The following PRRG4 variants were observed in gnomAD, a reference collection of about 807,000 sequenced individuals.
PRRG4 encodes the protein proline rich and Gla domain 4.
Under a neutral mutation model 20.0 loss-of-function variants are expected in PRRG4, and 12 were observed. That is an observed-to-expected ratio of 0.60 (90% confidence interval 0.38 to 0.97). PRRG4 has a LOEUF of 0.97. Ranked by LOEUF, PRRG4 falls within the 50% of genes least tolerant of loss-of-function variation. The pLI is 0.00. For synonymous variants in PRRG4, 94 were observed against 96.4 expected (o/e 0.98, Z 0.15); for missense variants, 199 against 265.1 (o/e 0.75, Z 1.73).
intron 5 of PRRG4, among the ~76,000 whole-genome samples, chr11:32,845,273 T>C (rs1851117454): frequency 6.6e-6 from 1 of 152,102 alleles, no homozygotes; most frequent in Admixed American, 6.6e-5. Flanking sequence ...ATGGAGTGAT[T>C]ACCATTTGAG....
At position 32,840,062 on chromosome 11, in the gene PRRG4, C is replaced by T; in HGVS notation, c.317-45C>T. 2 of 1,388,600 alleles carry T rather than the reference C, an allele frequency of 1.4e-6. No individual in the cohort carries two copies. Among genetic ancestry groups the T allele is most frequent in the Non-Finnish European group, 1.0e-6 (1 of 981,096 alleles). 86.0% of individuals were successfully genotyped at this position (1,388,600 alleles called of 1,614,324 possible). A position where few individuals can be genotyped will look rare whatever the true frequency, so the allele number is the denominator to read the frequency against. On this transcript the variant is annotated intron_variant, in intron 4 of 5. Coordinates refer to ENST00000257836, the MANE Select transcript of PRRG4 (RefSeq NM_024081.6). The surrounding 1 kb of genome is among the most constrained non-coding windows in gnomAD (Gnocchi z 4.1). ...AAATTTGTTGAAATCATAGGTGATG[C>T]TATATAGTTGTTATATTTATGTTAT...
chr11:32,857,963 A>G lies in PRRG4; in HGVS notation c.*4436A>G, dbSNP rs1851242090. Reference sequence around the variant, plus strand: ...GTTTCTCTAACACCTCAACAGTTTAAGGTAATTTAGTACACATATATCAGT... The same window carrying G: ...GTTTCTCTAACACCTCAACAGTTTAGGGTAATTTAGTACACATATATCAGT... On this transcript the variant is annotated 3_prime_UTR_variant, in exon 6 of 6. Coordinates refer to ENST00000257836, the MANE Select transcript of PRRG4 (RefSeq NM_024081.6). 2 of 152,134 alleles carry G rather than the reference A, an allele frequency of 1.3e-5. No individual in the cohort carries two copies. 9.4% of individuals were successfully genotyped at this position (152,134 alleles called of 1,614,324 possible).
rs757807250 is a variant in PRRG4 at position 32,853,446 on chromosome 11, T to G, written c.600T>G (p.Ser200Arg). 4.3e-6 allele frequency: 7 copies of G among 1,614,160 alleles called. No individual in the cohort carries two copies. In the South Asian group the frequency reaches 7.7e-5, roughly 18 times the overall value. ...EQAVALTRKH[S>R]VSPPPPYPGH... ...CAGTGGCGCTGACCAGAAAACACAG[T>G]GTTTCACCACCACCACCATATCCTG... The change falls in exon 6 of 6, where the codon AGT becomes AGG. Residue 200 changes from serine to arginine, a missense_variant. Physicochemically the swap from Ser to Arg is moderately radical, Grantham distance 110 (BLOSUM62 -1). Coordinates refer to ENST00000257836, the MANE Select transcript of PRRG4 (RefSeq NM_024081.6).
In PRRG4 at chr11:32,840,007, A is replaced by G; in HGVS notation, c.317-100A>G. The G allele has an allele frequency of 1.3e-6, 1 of 783,524 alleles. No homozygotes were observed. Among genetic ancestry groups the G allele is most frequent in the South Asian group, 2.4e-5 (1 of 41,122 alleles). The allele number at this position is 783,524 out of a possible 1,614,324, so 48.5% of individuals were successfully genotyped here. A position where few individuals can be genotyped will look rare whatever the true frequency, so the allele number is the denominator to read the frequency against. On this transcript the variant is annotated intron_variant, in intron 4 of 5. Transcript: ENST00000257836. This position sits in a 1 kb window ranked among gnomAD's most constrained non-coding sequence, Gnocchi z 4.1. ...GAAAGAAGTCAACATCAATGATTAG[A>G]TGCTGTATAATGTGTTTAGAACCAG...
At chr11:32,844,801 C>T (rs962151038) in intron 5 of PRRG4, among the ~76,000 whole-genome samples, 4 of 151,918 alleles carry the variant, frequency 2.6e-5, no homozygotes, top group African/African-American at 9.7e-5. Flanking sequence ...GCACCCGGCC[C>T]AGCTATTATT....
intron 5 of PRRG4, among the ~76,000 whole-genome samples, chr11:32,852,772 C>CTT (rs531547410): frequency 1.6e-4 from 20 of 126,668 alleles, no homozygotes; most frequent in South Asian, 5.1e-4. Flanking sequence ...TCAGATTTCT[C>CTT]TTTTTTTTTT....
rs1851214189 is a variant in PRRG4, at chr11:32,854,613, T to C, written c.*1086T>C. 6.6e-6 allele frequency: 1 copy of C among 152,024 alleles called. No homozygotes were observed. Among genetic ancestry groups the C allele is most frequent in the South Asian group, 2.1e-4 (1 of 4,822 alleles). The allele number at this position is 152,024 out of a possible 1,614,324, so 9.4% of individuals were successfully genotyped here. ...AAAAGATATTGGACCTACTCTTTCT[T>C]AGGATTTTTTTGGCGGGGGGTTAGA... is the stretch of plus-strand genomic sequence containing the variant. On this transcript the variant is annotated 3_prime_UTR_variant, in exon 6 of 6. Transcript: ENST00000257836.
rs1565119489 is a variant in PRRG4 at position 32,855,132 on chromosome 11, AAT to A, written c.*1608_*1609del. ...TTACCAGAAACCTTTTGCATCTCTT[AAT>A]ATGTCTGAACACAAAAGGAAAACAC... On this transcript the variant is annotated 3_prime_UTR_variant, in exon 6 of 6. Coordinates refer to ENST00000257836, the MANE Select transcript of PRRG4 (RefSeq NM_024081.6). 2 of 152,228 alleles carry A rather than the reference AAT, an allele frequency of 1.3e-5. No individual in the cohort carries two copies. The highest frequency in any genetic ancestry group is 2.9e-5 in the Non-Finnish European group (2 of 68,022). The allele number at this position is 152,228 out of a possible 1,614,324, so 9.4% of individuals were successfully genotyped here.
At chr11:32,851,081 A>T (rs538369451) in intron 5 of PRRG4, among the ~76,000 whole-genome samples, 1 of 152,188 alleles carries the variant, frequency 6.6e-6, no homozygotes, top group South Asian at 2.1e-4. Context: ...CGCAAAAATA[A>T]TAATAATAAT....
intron 5 of PRRG4, among the ~76,000 whole-genome samples, chr11:32,848,468 T>C (rs1851150367): frequency 6.6e-6 from 1 of 152,102 alleles, no homozygotes; most frequent in Non-Finnish European, 1.5e-5. Context: ...GAAAGGGTTA[T>C]GGAAATAGAT....
intron 5 of PRRG4, among the ~76,000 whole-genome samples, chr11:32,850,516 C>G (rs940435219): frequency 6.6e-6 from 1 of 152,184 alleles, no homozygotes; most frequent in African/African-American, 2.4e-5. Flanking sequence ...TCCATTGTCT[C>G]ACTTTGTTCC....
chr11:32,836,817 A>C lies in PRRG4; in HGVS notation c.263A>C (p.Lys88Thr). Residue 88 changes from lysine to threonine, a missense_variant, in exon 3 of 6, where the codon AAA (lysine) becomes ACA (threonine). By Grantham distance (78) the Lys-to-Thr change is moderately conservative. Coordinates refer to ENST00000257836, the MANE Select transcript of PRRG4 (RefSeq NM_024081.6). ...AGAGAGATTTTTGTGGATGAAGATA[A>C]AACGGTAATGTGGTTGATTATGTTA... is the stretch of plus-strand genomic sequence containing the variant. ...EAREIFVDED[K>T]TIAFWQEYSA... The C allele has an allele frequency of 1.7e-5, 27 of 1,610,442 alleles. No homozygotes were observed. The highest frequency in any genetic ancestry group is 2.2e-5 in the Non-Finnish European group (26 of 1,178,386).
rs1370297390 is a variant in PRRG4 at position 32,853,320 on chromosome 11, G to C, written c.474G>C (p.Gly158=). The change falls in exon 6 of 6, where the codon GGG becomes GGC. Residue 158 remains glycine, a synonymous_variant. Transcript: ENST00000257836. Reference sequence around the variant, plus strand: ...GCTCTTCAGCCGTCTATGAAAGGGGGAGGCACACTCCCTCCATCATTTTCA... The same window carrying C: ...GCTCTTCAGCCGTCTATGAAAGGGGCAGGCACACTCCCTCCATCATTTTCA... The part of the protein sequence containing the change: ...HPCSSAVYER[G]RHTPSIIFRR... The C allele has an allele frequency of 3.7e-6, 6 of 1,613,898 alleles. No individual in the cohort carries two copies. Among genetic ancestry groups the C allele is most frequent in the Non-Finnish European group, 5.1e-6 (6 of 1,179,966 alleles).
chr11:32,830,392 CGGGCGCTCT>C, intron 1 of PRRG4, 107 bp from the exon 2 acceptor site: 1 of 958,240 alleles, frequency 1.0e-6, no homozygotes, highest in Non-Finnish European at 1.4e-6. Flanking sequence ...AACCGCGCGC[CGGGCGCTCT>C]TGCGCCTAGG....
At chr11:32,851,934 T>C (rs1180168122) in intron 5 of PRRG4, among the ~76,000 whole-genome samples, 1 of 152,314 alleles carries the variant, frequency 6.6e-6, no homozygotes, top group Middle Eastern at 3.4e-3. Context: ...AATGTATGTA[T>C]AGATACTTTA....
Position 32,857,176 on chromosome 11 carries a change from G to T in PRRG4, c.*3649G>T. On this transcript the variant is annotated 3_prime_UTR_variant, in exon 6 of 6. Transcript: ENST00000257836. ...TCTTTTTTTTTTTTTTTTCCAGAAG[G>T]AGTCTCACTTTGTCACCCAGGCTGG... 7.0e-6 allele frequency: 1 copy of T among 142,042 alleles called. No individual in the cohort carries two copies. Among genetic ancestry groups the T allele is most frequent in the Non-Finnish European group, 1.5e-5 (1 of 65,882 alleles). 8.8% of individuals were successfully genotyped at this position (142,042 alleles called of 1,614,324 possible). A position where few individuals can be genotyped will look rare whatever the true frequency, so the allele number is the denominator to read the frequency against.
chr11:32,853,544 G>T lies in PRRG4; in HGVS notation c.*17G>T. The T allele has an allele frequency of 6.3e-7, 1 of 1,594,812 alleles. No individual in the cohort carries two copies. Among genetic ancestry groups the T allele is most frequent in the Non-Finnish European group, 8.6e-7 (1 of 1,165,656 alleles). On this transcript the variant is annotated 3_prime_UTR_variant, in exon 6 of 6. Transcript: ENST00000257836. ...TCTCACTGACTACCTTGTCATTTTG[G>T]TATAAGAAATTTGTGTTATTTGATA... is the stretch of plus-strand genomic sequence containing the variant.
In PRRG4 at chr11:32,853,484, G is replaced by A; in HGVS notation, c.638G>A (p.Gly213Glu). The change falls in exon 6 of 6, where the codon GGA (glycine) becomes GAA (glutamate). Residue 213 changes from glycine to glutamate, a missense_variant. Transcript: ENST00000257836. Reference sequence around the variant, plus strand: ...CCACCATATCCTGGGCACACAAAAGGATTTAGGGTATTTAAAAAATCTATG... The same window carrying A: ...CCACCATATCCTGGGCACACAAAAGAATTTAGGGTATTTAAAAAATCTATG... ...PPPPYPGHTK[G>E]FRVFKKSMSL... The A allele has an allele frequency of 1.2e-6, 2 of 1,614,054 alleles. No individual in the cohort carries two copies. Among genetic ancestry groups the A allele is most frequent in the Non-Finnish European group, 1.7e-6 (2 of 1,180,018 alleles).
At chr11:32,842,812 C>A (rs1403875437) in intron 5 of PRRG4, among the ~76,000 whole-genome samples, 1 of 152,058 alleles carries the variant, frequency 6.6e-6, no homozygotes, top group Non-Finnish European at 1.5e-5. Flanking sequence ...ATACATTTTC[C>A]TCTAAAATTT....
Sources: gnomAD v4.1 joint callset for allele counts (sites outside exome capture counted in the v4.1 genomes callset) on GRCh38, gnomAD v4.1.1 for gene constraint, Gnocchi (gnomAD v3.1) non-coding constraint, MANE v1.5 for transcripts, NCBI Gene and HGNC (gene_info 2026-07-23, HGNC 2026-07-21) for gene names.